Variants in COPS5 observed in about 807,000 individuals in gnomAD.
COPS5 encodes COP9 signalosome complex subunit 5.
COPS5 carries 8 observed loss-of-function variants against 44.4 expected under a neutral mutation model. The observed-to-expected ratio is 0.18, with a 90% CI of 0.11 to 0.32. The LOEUF (loss-of-function observed/expected upper bound fraction) is 0.32, where lower values mean the gene tolerates loss of function less well. Ranked by LOEUF, COPS5 falls within the 10% of genes least tolerant of loss-of-function variation. COPS5 has a pLI of 1.00. For missense variants in COPS5, 159 were observed against 406.4 expected, an observed-to-expected ratio of 0.39 and a Z score of 5.23; for synonymous variants, 122 against 142.8, an observed-to-expected ratio of 0.85 and a Z score of 1.04.
chr8:67,046,755 G>A (rs192382525), intron 6 of COPS5, among the ~76,000 whole-genome samples: 114 of 149,644 alleles, frequency 7.6e-4, no homozygotes, highest in Middle Eastern at 3.4e-3. Context: ...CCCAGGAGGC[G>A]GAGGTTGCAG....
At chr8:67,053,171 C>T (rs550034410) in intron 5 of COPS5, among the ~76,000 whole-genome samples, 1 of 151,926 alleles carries the variant, frequency 6.6e-6, no homozygotes, top group African/African-American at 2.4e-5. Flanking sequence ...CTCACTGCAA[C>T]GTTTGCCTCC....
At chr8:67,046,619 G>C (rs1816702373) in intron 6 of COPS5, among the ~76,000 whole-genome samples, 1 of 151,720 alleles carries the variant, frequency 6.6e-6, no homozygotes, top group South Asian at 2.1e-4. Context: ...TCAGGAGTTC[G>C]AGACCAGCCT....
chr8:67,057,020 AT>A (rs1804524175), intron 4 of COPS5, among the ~76,000 whole-genome samples: 2 of 152,174 alleles, frequency 1.3e-5, no homozygotes, highest in South Asian at 4.1e-4. Context: ...ATACTTATTA[AT>A]AAATAAAGAC....
chr8:67,061,563 C>G (rs1188815607), intron 1 of COPS5: 3 of 456,338 alleles, frequency 6.6e-6, no homozygotes, highest in Non-Finnish European at 1.2e-5. Context: ...ACACTGGGCT[C>G]AAGGTAGGGT....
intron 2 of COPS5, among the ~76,000 whole-genome samples, chr8:67,058,419 A>G (rs1804541949): frequency 6.6e-6 from 1 of 152,206 alleles, no homozygotes; most frequent in Non-Finnish European, 1.5e-5. Flanking sequence ...ACATACATAG[A>G]TTGATAAAAA....
intron 6 of COPS5, chr8:67,047,640 G>A: frequency 1.9e-6 from 1 of 520,644 alleles, no homozygotes; most frequent in South Asian, 3.2e-5. Flanking sequence ...TTAAAATGCT[G>A]CAATGTACTA....
At chr8:67,045,726 A>T (rs1320787132) in intron 7 of COPS5, 86 bp downstream of exon 7, 2 of 1,314,158 alleles carry the variant, frequency 1.5e-6, no homozygotes, top group South Asian at 2.6e-5. Flanking sequence ...AACTTGAGCC[A>T]TAAGGAATCT....
chr8:67,060,259 TAG>T, intron 1 of COPS5: 1 of 891,620 alleles, frequency 1.1e-6, no homozygotes, highest in African/African-American at 1.8e-5. Context: ...TGAATATAAT[TAG>T]AGCCACAATT....
intron 1 of COPS5, chr8:67,060,509 G>A: frequency 7.8e-7 from 1 of 1,289,410 alleles, no homozygotes; most frequent in Non-Finnish European, 1.0e-6. Flanking sequence ...CATGTTGGAA[G>A]TCAAGACATG....
Position 67,059,462 on chromosome 8 carries a change from CAATGT to C in COPS5, c.144-22_144-18del. 2 of 1,555,386 alleles carry C rather than the reference CAATGT, an allele frequency of 1.3e-6. No homozygotes were observed. The highest frequency in any genetic ancestry group is 1.8e-6 in the Non-Finnish European group (2 of 1,126,990). Reference sequence around the variant, plus strand: ...TAATGGTGACTGCAAAACAAAATCACAATGTAATTAAATTCCTTATATAAAGTAAA... The same window carrying C: ...TAATGGTGACTGCAAAACAAAATCACAATTAAATTCCTTATATAAAGTAAA... On this transcript the variant is annotated intron_variant, in intron 1 of 7. Coordinates refer to ENST00000357849, the MANE Select transcript of COPS5 (RefSeq NM_006837.3).
chr8:67,045,669 A>G (rs986970888), intron 7 of COPS5, 143 bp downstream of exon 7: 12 of 824,664 alleles, frequency 1.5e-5, no homozygotes, highest in Admixed American at 2.6e-5. Context: ...GACAACTCCT[A>G]AAGTTTCCAA....
intron 1 of COPS5, chr8:67,061,443 G>C (rs746262141): frequency 2.2e-6 from 1 of 445,432 alleles, no homozygotes; most frequent in Admixed American, 2.6e-5. Context: ...AAAAAGAAAA[G>C]AAAATAGCTC....
At chr8:67,052,104 ATG>A (rs752126804) in intron 5 of COPS5, among the ~76,000 whole-genome samples, 2 of 152,200 alleles carry the variant, frequency 1.3e-5, no homozygotes, top group South Asian at 4.1e-4. Context: ...GCTATATAAA[ATG>A]AATCACCTAC....
chr8:67,052,301 G>A (rs1478609878), intron 5 of COPS5, among the ~76,000 whole-genome samples: 2 of 152,006 alleles, frequency 1.3e-5, no homozygotes, highest in Non-Finnish European at 2.9e-5. Flanking sequence ...AGACATGTAA[G>A]AGATAATAAG....
chr8:67,048,608 C>A (rs576471137), intron 6 of COPS5, among the ~76,000 whole-genome samples: 2 of 151,494 alleles, frequency 1.3e-5, no homozygotes, highest in East Asian at 3.9e-4. Flanking sequence ...CCCAGCTACT[C>A]CGGAGGCTGA....
In COPS5 at chr8:67,057,433, T is replaced by C. The variant is rs201634747; in HGVS notation, c.520A>G (p.Arg174Gly). The C allele has an allele frequency of 1.7e-5, 28 of 1,610,164 alleles. No homozygotes were observed. Among genetic ancestry groups the C allele is most frequent in the Non-Finnish European group, 7.6e-6 (9 of 1,177,098 alleles). Residue 174 changes from arginine (R) to glycine (G), a missense_variant, in exon 4 of 8, where the codon AGA becomes GGA. Around this residue, in one of 2 missense-constraint regions of COPS5, gnomAD observed 134 missense variants for 376.7 expected, o/e 0.36. Transcript: ENST00000357849. ...PFVAVVIDPT[R>G]TISAGKVNLG... ...TTCACTTTCCCTGCGGATATTGTTC[T>C]TGTTGGATCAATCTATAAGAAAGAT...
intron 7 of COPS5, chr8:67,044,558 T>C (rs1268848932): frequency 6.6e-6 from 1 of 152,162 alleles, no homozygotes; most frequent in South Asian, 2.1e-4. Context: ...TCTTCCTTCC[T>C]TTCTGCCTCT....
chr8:67,060,250 G>A, intron 1 of COPS5: 1 of 813,082 alleles, frequency 1.2e-6, no homozygotes, highest in South Asian at 2.4e-5. Context: ...CAGCTAGGAT[G>A]AATATAATTA....
intron 3 of COPS5, 48 bp downstream of exon 3, chr8:67,058,035 A>G (rs1387732175): frequency 6.3e-7 from 1 of 1,597,726 alleles, no homozygotes; most frequent in Non-Finnish European, 8.6e-7. Flanking sequence ...TACTTGCTTC[A>G]GCAAATCTTC....
Sources: allele counts gnomAD v4.1 joint callset (sites outside exome capture counted in the v4.1 genomes callset), GRCh38; gene constraint gnomAD v4.1.1; regional missense constraint gnomAD v4.1.1; transcripts MANE v1.5; gene names NCBI Gene and HGNC (gene_info 2026-07-23, HGNC 2026-07-21).